DCC: variants seen among roughly 807,000 people sequenced by gnomAD.
The protein encoded by DCC is DCC netrin 1 receptor, also known as netrin receptor DCC.
In DCC, 58 loss-of-function variants were observed where a neutral mutation model predicts 172.5. The observed-to-expected ratio is 0.34, with a 90% confidence interval of 0.27 to 0.42. The LOEUF (loss-of-function observed/expected upper bound fraction) is 0.42, where lower values mean the gene tolerates loss of function less well. Among genes scored for constraint, DCC ranks in the 10% least tolerant of loss-of-function variants. DCC has a pLI of 1.00. For synonymous variants in DCC, 709 were observed against 644.5 expected, an observed-to-expected ratio of 1.10 and a Z score of -1.52; for missense variants, 1,740 against 1,791.0, an observed-to-expected ratio of 0.97 and a Z score of 0.51.
intron 1 of DCC, among the ~76,000 whole-genome samples, chr18:52,542,702 G>A (rs2032495255): frequency 6.6e-6 from 1 of 152,102 alleles, no homozygotes; most frequent in Non-Finnish European, 1.5e-5. Flanking sequence ...AGCTGGGTGT[G>A]GTGGTGCATG....
chr18:53,020,207 A>G (rs1473505073), intron 5 of DCC, among the ~76,000 whole-genome samples: 50 of 152,186 alleles, frequency 3.3e-4, no homozygotes, highest in Admixed American at 3.3e-3. Flanking sequence ...CAAATAAAAA[A>G]AACCCAAATG....
intron 5 of DCC, among the ~76,000 whole-genome samples, chr18:52,965,861 G>T (rs1229898581): frequency 6.6e-6 from 1 of 152,044 alleles, no homozygotes; most frequent in African/African-American, 2.4e-5. Flanking sequence ...TCAATGATTT[G>T]CACTTGAGTT....
chr18:52,882,694 G>A (rs1041481471), intron 2 of DCC, among the ~76,000 whole-genome samples: 16 of 152,050 alleles, frequency 1.1e-4, no homozygotes, highest in Non-Finnish European at 1.5e-5. Context: ...CTATCCTTGA[G>A]AATGGTTCAT....
intron 2 of DCC, among the ~76,000 whole-genome samples, chr18:52,816,371 G>C (rs1483495705): frequency 6.6e-6 from 1 of 152,186 alleles, no homozygotes; most frequent in Non-Finnish European, 1.5e-5. Context: ...GCTCTGGTGG[G>C]TCATCCAGGC....
chr18:52,529,166 CA>C (rs1248616772), intron 1 of DCC, among the ~76,000 whole-genome samples: 1 of 152,126 alleles, frequency 6.6e-6, no homozygotes, highest in African/African-American at 2.4e-5. Context: ...TATGCAATAG[CA>C]AAAATTAAGT....
At chr18:52,935,261 T>C (rs989103110) in intron 5 of DCC, among the ~76,000 whole-genome samples, 2 of 152,108 alleles carry the variant, frequency 1.3e-5, no homozygotes, top group Non-Finnish European at 2.9e-5. Context: ...CCTTATAAAT[T>C]TGATGTCCTT....
intron 3 of DCC, among the ~76,000 whole-genome samples, chr18:52,912,465 C>T (rs950335863): frequency 6.6e-6 from 1 of 151,982 alleles, no homozygotes; most frequent in Non-Finnish European, 1.5e-5. Context: ...ATGCTTTAAG[C>T]TATTTATCTG....
intron 7 of DCC, among the ~76,000 whole-genome samples, chr18:53,106,565 G>A (rs2043251363): frequency 6.6e-6 from 1 of 151,850 alleles, no homozygotes; most frequent in South Asian, 2.1e-4. Flanking sequence ...TCTAATTAAG[G>A]TTCAACAATT....
chr18:52,575,942 A>T (rs887226597), intron 1 of DCC, among the ~76,000 whole-genome samples: 4 of 152,182 alleles, frequency 2.6e-5, no homozygotes, highest in Admixed American at 2.6e-4. Flanking sequence ...AAACCAATAA[A>T]GCAGGCATCT....
intron 5 of DCC, among the ~76,000 whole-genome samples, chr18:53,033,560 G>T (rs886939723): frequency 6.6e-6 from 1 of 152,040 alleles, no homozygotes; most frequent in African/African-American, 2.4e-5. Context: ...TGCTGTCTCA[G>T]CCTCTCTATC....
intron 2 of DCC, among the ~76,000 whole-genome samples, chr18:52,790,894 AG>A (rs1311949970): frequency 5.3e-5 from 8 of 152,188 alleles, no homozygotes; most frequent in Admixed American, 1.3e-4. Context: ...TATACCTATC[AG>A]GGTCATTAGA....
intron 1 of DCC, among the ~76,000 whole-genome samples, chr18:52,343,273 C>T (rs1158493031): frequency 1.2e-4 from 19 of 152,218 alleles, no homozygotes; most frequent in East Asian, 1.9e-4. Context: ...GCATAGTTCA[C>T]TCTATAAAAG....
intron 5 of DCC, among the ~76,000 whole-genome samples, chr18:53,044,961 G>GTGAC (rs776819717): frequency 2.0e-4 from 30 of 151,830 alleles, no homozygotes; most frequent in Non-Finnish European, 3.7e-4. Context: ...GTTGATTAAT[G>GTGAC]TGACTGCTTA....
At chr18:53,404,526 T>C (rs1333926690) in intron 19 of DCC, among the ~76,000 whole-genome samples, 1 of 151,884 alleles carries the variant, frequency 6.6e-6, no homozygotes, top group East Asian at 1.9e-4. Flanking sequence ...GGTCAGGAGA[T>C]CGAGACCATC....
chr18:52,834,341 C>T (rs1228181909), intron 2 of DCC, among the ~76,000 whole-genome samples: 2 of 152,162 alleles, frequency 1.3e-5, no homozygotes, highest in Non-Finnish European at 2.9e-5. Flanking sequence ...TGTGGTGGCT[C>T]CAGACCAGAA....
intron 2 of DCC, among the ~76,000 whole-genome samples, chr18:52,789,351 A>C (rs1172819468): frequency 6.6e-6 from 1 of 152,088 alleles, no homozygotes; most frequent in Admixed American, 6.6e-5. Flanking sequence ...TCATGTGTAC[A>C]TTAAGAGTGG....
intron 22 of DCC, among the ~76,000 whole-genome samples, chr18:53,449,957 A>G (rs1205441172): frequency 2.0e-5 from 3 of 151,914 alleles, no homozygotes; most frequent in Non-Finnish European, 2.9e-5. Context: ...GTCTCTCTAG[A>G]TTTGCCTATT....
intron 3 of DCC, among the ~76,000 whole-genome samples, chr18:52,909,431 T>G (rs1444552598): frequency 6.6e-6 from 1 of 152,198 alleles, no homozygotes; most frequent in African/African-American, 2.4e-5. Flanking sequence ...GAGATGTAGA[T>G]GTTAATGAGA....
chr18:52,973,971 G>T (rs1242527788), intron 5 of DCC, among the ~76,000 whole-genome samples: 3 of 152,060 alleles, frequency 2.0e-5, no homozygotes, highest in Admixed American at 2.0e-4. Flanking sequence ...TGTGGCGGAG[G>T]TGTGTGTGTT....
Sources: allele counts gnomAD v4.1 joint callset (sites outside exome capture counted in the v4.1 genomes callset), GRCh38; gene constraint gnomAD v4.1.1; transcripts MANE v1.5; gene names NCBI Gene and HGNC (gene_info 2026-07-23, HGNC 2026-07-21).